Variants in MKKS observed in about 807,000 individuals in gnomAD.
MKKS encodes molecular chaperone MKKS.
Under a neutral mutation model 33.2 loss-of-function variants are expected in MKKS, and 29 were observed. That is an observed-to-expected ratio of 0.87 (90% CI 0.65 to 1.19). MKKS has a LOEUF of 1.19. Ranked by LOEUF, MKKS falls within the 50% of genes most tolerant of loss-of-function variation. The pLI is 0.00. For synonymous variants in MKKS, 260 were observed against 244.0 expected (o/e 1.07, Z -0.61); for missense variants, 661 against 662.3 (o/e 1.00, Z 0.02).
Position 10,408,720 on chromosome 20 carries a change from A to T in MKKS, c.1069T>A (p.Ser357Thr). 1 of 1,614,032 alleles carries T rather than the reference A, an allele frequency of 6.2e-7. No individual in the cohort carries two copies. The highest frequency in any genetic ancestry group is 8.5e-7 in the Non-Finnish European group (1 of 1,179,952). Residue 357 changes from serine (S) to threonine (T), a missense_variant, in exon 4 of 6, where the codon TCC becomes ACC. By Grantham distance (58) the Ser-to-Thr change is moderately conservative. Coordinates refer to ENST00000347364, the MANE Select transcript of MKKS (RefSeq NM_170784.3). ...GGAATAAGATGAAAAAAATGTTTGG[A>T]GCCAAATTTTGCAGTGCACACATCT... ...VKDVCTAKFGSKHFFHLIPNE... is the reference protein window; with the variant it reads ...VKDVCTAKFGTKHFFHLIPNE...
intron 1 of MKKS, among the ~76,000 whole-genome samples, chr20:10,426,124 A>T (rs1489389935): frequency 6.6e-6 from 1 of 152,224 alleles, no homozygotes; most frequent in Non-Finnish European, 1.5e-5. Context: ...CTTTCATAGC[A>T]ACTTTATGAG....
rs557920764 is a variant in MKKS at position 10,420,707 on chromosome 20, T to G, written c.-597A>C. 6.6e-6 allele frequency: 1 copy of G among 152,250 alleles called. No individual in the cohort carries two copies. The highest frequency in any genetic ancestry group is 2.4e-5 in the African/African-American group (1 of 41,538). 9.4% of individuals were successfully genotyped at this position (152,250 alleles called of 1,614,324 possible). On this transcript the variant is annotated 5_prime_UTR_variant, in exon 2 of 6. Coordinates refer to ENST00000347364, the MANE Select transcript of MKKS (RefSeq NM_170784.3). ...AAAGGGACCATAACAACCAAAACTT[T>G]GTAGTCTCTCCACAAGTTCCGAAGG...
At chr20:10,418,144 TA>T (rs1207528140) in intron 2 of MKKS, among the ~76,000 whole-genome samples, 1 of 152,232 alleles carries the variant, frequency 6.6e-6, no homozygotes, top group Non-Finnish European at 1.5e-5. Flanking sequence ...TGTTTATTCT[TA>T]CTGTTAAAGA....
At chr20:10,428,590 G>C (rs996682324) in intron 1 of MKKS, among the ~76,000 whole-genome samples, 3 of 152,182 alleles carry the variant, frequency 2.0e-5, no homozygotes, top group African/African-American at 7.2e-5. Context: ...TCTAATTCCA[G>C]CACTCGGGGA....
chr20:10,408,539 G>A, intron 4 of MKKS, 89 bp downstream of exon 4: 1 of 1,360,358 alleles, frequency 7.4e-7, no homozygotes, highest in Non-Finnish European at 1.0e-6. Flanking sequence ...TACTACCTAG[G>A]GAAGCTACGA....
intron 1 of MKKS, among the ~76,000 whole-genome samples, chr20:10,426,079 T>G (rs2122272077): frequency 6.6e-6 from 1 of 152,376 alleles, no homozygotes; most frequent in East Asian, 1.9e-4. Flanking sequence ...TGGTCTTAAA[T>G]TATTCAAAAG....
At chr20:10,407,363 A>G (rs2064850386) in intron 5 of MKKS, among the ~76,000 whole-genome samples, 1 of 152,182 alleles carries the variant, frequency 6.6e-6, no homozygotes, top group African/African-American at 2.4e-5. Context: ...TAATCATTGT[A>G]ATAAGGATAT....
rs6077785 is a variant in MKKS, at chr20:10,430,806, A to C, written c.-649+3302T>G. ...GCAAAGACGGTGAAAAATTTCATGT[A>C]TGTTTCTCTAATAACAGTTAATAGA... is the stretch of plus-strand genomic sequence containing the variant. On this transcript the variant is annotated intron_variant, in intron 1 of 5. Coordinates refer to ENST00000347364, the MANE Select transcript of MKKS (RefSeq NM_170784.3). Among the ~76,000 whole-genome samples the C allele has an allele frequency of 4.7e-3, 717 of 152,154 alleles. 4 individuals are homozygous for C. The highest frequency in any genetic ancestry group is 0.016 in the African/African-American group (650 of 41,504).
At chr20:10,419,735 G>A (rs528375993) in intron 2 of MKKS, among the ~76,000 whole-genome samples, 18 of 152,352 alleles carry the variant, frequency 1.2e-4, no homozygotes, top group Admixed American at 6.5e-4. Context: ...AGTGACTAAC[G>A]AGCAGGTAGA....
At position 10,412,737 on chromosome 20, in the gene MKKS, C is replaced by T; in HGVS notation, c.778G>A (p.Val260Met). The change falls in exon 3 of 6, where the codon GTG becomes ATG. Residue 260 changes from valine to methionine, a missense_variant. Val to Met is a conservative substitution (Grantham distance 21, BLOSUM62 1). Transcript: ENST00000347364. ...AGAGAAACCCCATAACTGACCACCA[C>T]AGTTCCTTCTCCAGTGTCAGAAGTG... ...GDTSDTGEGT[V>M]VVSYGVSLEN... 6.2e-7 allele frequency: 1 copy of T among 1,614,188 alleles called. No homozygotes were observed. Among genetic ancestry groups the T allele is most frequent in the Non-Finnish European group, 8.5e-7 (1 of 1,180,028 alleles).
intron 1 of MKKS, 96 bp from the exon 2 acceptor site, chr20:10,420,854 C>CT (rs1286766758): frequency 6.6e-6 from 1 of 152,208 alleles, no homozygotes; most frequent in Non-Finnish European, 1.5e-5. Flanking sequence ...ATGCTGTACT[C>CT]TAACAAATGC....
rs2064972956 is a variant in MKKS at position 10,420,580 on chromosome 20, G to C, written c.-470C>G. The C allele has an allele frequency of 1.3e-5, 2 of 152,192 alleles. No individual in the cohort carries two copies. Among genetic ancestry groups the C allele is most frequent in the Non-Finnish European group, 2.9e-5 (2 of 68,026 alleles). The allele number at this position is 152,192 out of a possible 1,614,324, so 9.4% of individuals were successfully genotyped here. A position where few individuals can be genotyped will look rare whatever the true frequency, so the allele number is the denominator to read the frequency against. On this transcript the variant is annotated 5_prime_UTR_variant, in exon 2 of 6. The change creates a premature stop within an existing upstream ORF in the 5' untranslated region. Transcript: ENST00000347364. ...CTGGATTTGGCTCTTCTGAAGATTTGAAAGTCCCAGACTATCTTGCTCAGG... is the reference window on the plus strand; with the variant it reads ...CTGGATTTGGCTCTTCTGAAGATTTCAAAGTCCCAGACTATCTTGCTCAGG...
intron 1 of MKKS, among the ~76,000 whole-genome samples, chr20:10,432,914 G>A (rs1193495955): frequency 6.6e-6 from 1 of 151,742 alleles, no homozygotes; most frequent in Non-Finnish European, 1.5e-5. Context: ...TGCTATGTAA[G>A]TAGTTGTTAC....
intron 5 of MKKS, among the ~76,000 whole-genome samples, chr20:10,406,597 T>A (rs951947754): frequency 2.0e-5 from 3 of 152,246 alleles, no homozygotes; most frequent in African/African-American, 7.2e-5. Context: ...TGTCTAATGA[T>A]GCATTTCTCA....
chr20:10,413,383 C>T lies in MKKS; in HGVS notation c.132G>A (p.Lys44=), dbSNP rs2064910847. 2 of 1,612,954 alleles carry T rather than the reference C, an allele frequency of 1.2e-6. No homozygotes were observed. The highest frequency in any genetic ancestry group is 3.3e-5 in the Admixed American group (2 of 59,988). Reference sequence around the variant, plus strand: ...AACCTCCAAAGCCATTGTGCAGCTGCTTCAGCCTACCTGAGGGGCCATAGC... The same window carrying T: ...AACCTCCAAAGCCATTGTGCAGCTGTTTCAGCCTACCTGAGGGGCCATAGC... ...TSCYGPSGRL[K]QLHNGFGGYV... is the part of the protein sequence containing the mutation. Residue 44 remains lysine, a synonymous_variant, in exon 3 of 6, where the codon AAG becomes AAA. Transcript: ENST00000347364.
chr20:10,412,998 GCT>G lies in MKKS; in HGVS notation c.515_516del (p.Glu172AlafsTer19), dbSNP rs2064904675. 3.7e-6 allele frequency: 6 copies of G among 1,614,032 alleles called. No individual in the cohort carries two copies. Among genetic ancestry groups the G allele is most frequent in the Admixed American group, 1.7e-5 (1 of 60,014 alleles). On this transcript the variant is annotated frameshift_variant, in exon 3 of 6. Coordinates refer to ENST00000347364, the MANE Select transcript of MKKS (RefSeq NM_170784.3). LOFTEE classifies it high-confidence loss of function. Reference sequence around the variant, plus strand: ...GCTCTCAGGATCAAAGCACTGACATGCTCTGTTTCCTTTCTGGTGAGCATACA... The same window carrying G: ...GCTCTCAGGATCAAAGCACTGACATGCTGTTTCCTTTCTGGTGAGCATACA... ...PACMLTRKET[E>X]HVSALILRAF...
chr20:10,413,441 G>C lies in MKKS; in HGVS notation c.74C>G (p.Thr25Arg). 3.7e-6 allele frequency: 6 copies of C among 1,613,802 alleles called. No homozygotes were observed. The highest frequency in any genetic ancestry group is 5.1e-6 in the Non-Finnish European group (6 of 1,179,706). The change falls in exon 3 of 6, where the codon ACA becomes AGA. Residue 25 changes from threonine (T) to arginine (R), a missense_variant. Thr to Arg is a moderately conservative substitution (Grantham distance 71, BLOSUM62 -1). Transcript: ENST00000347364. ...EPLTTERVRT[T>R]LSVLKRIVTS... ...TACAATTCTTTTCAAGACAGAAAGT[G>C]TGGTCCTGACTCTCTCAGTTGTCAG...
chr20:10,416,666 C>A (rs1568668597), intron 2 of MKKS, among the ~76,000 whole-genome samples: 1 of 152,124 alleles, frequency 6.6e-6, no homozygotes, highest in African/African-American at 2.4e-5. Flanking sequence ...TTTGGGGTAA[C>A]TGAATAGTTG....
At chr20:10,429,029 C>T (rs1236854588) in intron 1 of MKKS, among the ~76,000 whole-genome samples, 1 of 152,108 alleles carries the variant, frequency 6.6e-6, no homozygotes, top group Non-Finnish European at 1.5e-5. Context: ...CTATTTTTCT[C>T]CACTGAAAAG....
Sources: gnomAD v4.1 joint callset for allele counts (sites outside exome capture counted in the v4.1 genomes callset) on GRCh38, gnomAD v4.1.1 for gene constraint, MANE v1.5 for transcripts, NCBI Gene and HGNC (gene_info 2026-07-23, HGNC 2026-07-21) for gene names.